The following ODAD2 variants were observed in gnomAD, a reference collection of about 807,000 sequenced individuals.
ODAD2 encodes the protein outer dynein arm-docking complex subunit 2.
A neutral mutation model predicts 106.8 loss-of-function variants in ODAD2; 89 were observed. The ratio of observed to expected loss-of-function variants is 0.83; its 90% confidence interval spans 0.70 to 0.99. The LOEUF is 0.99. Ranked by LOEUF, ODAD2 falls within the 50% of genes least tolerant of loss-of-function variation. ODAD2 has a pLI of 0.00. For synonymous variants in ODAD2, 404 were observed against 436.2 expected, an observed-to-expected ratio of 0.93 and a Z score of 0.92; for missense variants, 1,168 against 1,238.5, an observed-to-expected ratio of 0.94 and a Z score of 0.85.
chr10:27,897,193 T>C (rs575871306), intron 17 of ODAD2, among the ~76,000 whole-genome samples: 1 of 152,238 alleles, frequency 6.6e-6, no homozygotes, highest in South Asian at 2.1e-4. Flanking sequence ...TACTTCACTC[T>C]GTCATTGGTG....
At chr10:27,874,677 T>C (rs879669842) in intron 17 of ODAD2, among the ~76,000 whole-genome samples, 42 of 152,224 alleles carry the variant, frequency 2.8e-4, no homozygotes, top group Non-Finnish European at 4.7e-4. Context: ...ATGTTGAATA[T>C]TGGCCTCCAC....
At chr10:27,947,671 G>T (rs894293145) in intron 10 of ODAD2, among the ~76,000 whole-genome samples, 1 of 151,974 alleles carries the variant, frequency 6.6e-6, no homozygotes, top group Non-Finnish European at 1.5e-5. Context: ...CTATATTAAG[G>T]GTTTGGAAAT....
chr10:27,870,480 A>C (rs1231211237), intron 17 of ODAD2, among the ~76,000 whole-genome samples: 1 of 151,838 alleles, frequency 6.6e-6, no homozygotes, highest in Non-Finnish European at 1.5e-5. Context: ...CATTAGGTAT[A>C]TCTCCTAATG....
At chr10:27,854,113 C>G (rs1839486260) in intron 19 of ODAD2, among the ~76,000 whole-genome samples, 1 of 152,100 alleles carries the variant, frequency 6.6e-6, no homozygotes, top group Non-Finnish European at 1.5e-5. Flanking sequence ...AGCTGATATA[C>G]AAGCACATAG....
At chr10:27,883,270 C>T (rs879437910) in intron 17 of ODAD2, among the ~76,000 whole-genome samples, 5 of 152,046 alleles carry the variant, frequency 3.3e-5, no homozygotes, top group African/African-American at 4.8e-5. Flanking sequence ...TATCTGTCAA[C>T]TCATTTGTTG....
intron 11 of ODAD2, 78 bp from the exon 12 acceptor site, chr10:27,944,509 T>A: frequency 7.7e-7 from 1 of 1,301,694 alleles, no homozygotes; most frequent in East Asian, 2.4e-5. Context: ...ATACCTAAAA[T>A]CCTTCCCCAG....
In ODAD2 at chr10:27,944,511, C is replaced by A. The variant is rs192613379; in HGVS notation, c.1534-80G>T. On this transcript the variant is annotated intron_variant, in intron 11 of 19. Coordinates refer to ENST00000305242, the MANE Select transcript of ODAD2 (RefSeq NM_018076.5). ...AAAAATTCCGAGTATACCTAAAATCCTTCCCCAGTTAAGTTTTTTAAGAAA... is the reference window on the plus strand; with the variant it reads ...AAAAATTCCGAGTATACCTAAAATCATTCCCCAGTTAAGTTTTTTAAGAAA... The A allele has an allele frequency of 3.1e-6, 4 of 1,283,746 alleles. No homozygotes were observed. The East Asian group carries it at 9.6e-5, about 31-fold the overall frequency. The allele number at this position is 1,283,746 out of a possible 1,614,324, so 79.5% of individuals were successfully genotyped here.
chr10:27,944,262 G>T lies in ODAD2; in HGVS notation c.1703C>A (p.Ala568Glu), dbSNP rs1476904862. ...TIANVAKFKR[A>E]RRVVRQHGGI... The stretch of plus-strand genomic sequence containing the variant: ...CCCGTGCTGCCTCACCACCCGCCGT[G>T]CTCTTTTAAACTTGGCAACATTCGC... The change falls in exon 12 of 20, where the codon GCA becomes GAA. Residue 568 changes from alanine to glutamate, a missense_variant. Physicochemically the swap from Ala to Glu is moderately radical, Grantham distance 107. Around this residue, in one of 3 missense-constraint regions of ODAD2, gnomAD observed 701 missense variants for 712.3 expected, o/e 0.98. Coordinates refer to ENST00000305242, the MANE Select transcript of ODAD2 (RefSeq NM_018076.5). The T allele has an allele frequency of 1.2e-6, 2 of 1,613,586 alleles. No homozygotes were observed. The highest frequency in any genetic ancestry group is 3.3e-5 in the Admixed American group (2 of 59,974).
At chr10:27,883,024 T>C (rs1841852965) in intron 17 of ODAD2, among the ~76,000 whole-genome samples, 1 of 151,924 alleles carries the variant, frequency 6.6e-6, no homozygotes, top group South Asian at 2.1e-4. Flanking sequence ...GAGAAGTGTG[T>C]ACAGAGATTT....
At position 27,981,540 on chromosome 10, in the gene ODAD2, CT is replaced by C; in HGVS notation, c.861del (p.Gly288ValfsTer11). 3 of 1,538,104 alleles carry C rather than the reference CT, an allele frequency of 2.0e-6. No individual in the cohort carries two copies. Among genetic ancestry groups the C allele is most frequent in the Non-Finnish European group, 2.6e-6 (3 of 1,155,866 alleles). On this transcript the variant is annotated frameshift_variant, in exon 7 of 20. Coordinates refer to ENST00000305242, the MANE Select transcript of ODAD2 (RefSeq NM_018076.5). LOFTEE classifies it high-confidence loss of function. ...GTGACAAGGTTTTTATAAATTGAAC[CT>C]TTTCTCTCATAATTAACGTCCCCTT... is the stretch of plus-strand genomic sequence containing the variant. ...DDEGDVNYERKGSIYKNLVTF... is the reference protein window; with the variant it reads ...DDEGDVNYERXGSIYKNLVTF...
At position 27,944,969 on chromosome 10, in the gene ODAD2, A is replaced by C; in HGVS notation, c.1387-7T>G. 1.2e-6 allele frequency: 2 copies of C among 1,613,874 alleles called. No individual in the cohort carries two copies. Among genetic ancestry groups the C allele is most frequent in the Non-Finnish European group, 1.7e-6 (2 of 1,179,810 alleles). ...TAGCTGTTTGATTTCCTCCCTACAA[A>C]GATGCAATGCCAGAGAAAGGTTAAG... On this transcript the variant is annotated splice_region_variant and splice_polypyrimidine_tract_variant and intron_variant, in intron 10 of 19. Transcript: ENST00000305242.
intron 6 of ODAD2, 85 bp from the exon 7 acceptor site, chr10:27,981,667 G>T: frequency 1.0e-6 from 1 of 977,910 alleles, no homozygotes; most frequent in Non-Finnish European, 1.5e-6. Context: ...CTAGCCACAC[G>T]TATTATTTTC....
At chr10:27,909,351 C>G (rs2133871198) in intron 16 of ODAD2, among the ~76,000 whole-genome samples, 1 of 152,268 alleles carries the variant, frequency 6.6e-6, no homozygotes, top group East Asian at 1.9e-4. Flanking sequence ...GACAAAATTT[C>G]ACAATTAACT....
intron 2 of ODAD2, among the ~76,000 whole-genome samples, chr10:27,990,683 G>A (rs1013448822): frequency 6.6e-6 from 1 of 152,160 alleles, no homozygotes; most frequent in Non-Finnish European, 1.5e-5. Context: ...TTTATAGGTT[G>A]AGTGTAACCT....
chr10:27,940,540 G>A (rs1846332487), intron 13 of ODAD2, 23 bp downstream of exon 13: 1 of 1,608,698 alleles, frequency 6.2e-7, no homozygotes, highest in Non-Finnish European at 8.5e-7. Context: ...AGAAGGCAAG[G>A]GAAGCAGAAC....
chr10:27,934,608 T>C lies in ODAD2; in HGVS notation c.2495+402A>G, dbSNP rs572231699. Among the ~76,000 whole-genome samples, 12 of 152,178 alleles carry C rather than the reference T, an allele frequency of 7.9e-5. No homozygotes were observed. The East Asian group carries it at 2.1e-3, about 27-fold the overall frequency. On this transcript the variant is annotated intron_variant, in intron 16 of 19. Transcript: ENST00000305242. ...TCTCTTCCCCTCATCAGTTCACAGT[T>C]CTTGCCAGGTGCTCAAAATACATTT...
intron 19 of ODAD2, among the ~76,000 whole-genome samples, chr10:27,838,209 G>A (rs1327501768): frequency 2.0e-5 from 3 of 152,172 alleles, no homozygotes; most frequent in South Asian, 4.1e-4. Flanking sequence ...GATATTTTCT[G>A]AGTGCCAAAA....
At chr10:27,998,764 C>T (rs1469671776) in intron 1 of ODAD2, among the ~76,000 whole-genome samples, 1 of 152,106 alleles carries the variant, frequency 6.6e-6, no homozygotes, top group Non-Finnish European at 1.5e-5. Flanking sequence ...CTGCAGAACC[C>T]CTGCGGGGGT....
rs754071683 is a variant in ODAD2, at chr10:27,985,029, G to A, written c.565C>T (p.His189Tyr). 1 of 1,607,088 alleles carries A rather than the reference G, an allele frequency of 6.2e-7. No homozygotes were observed. The highest frequency in any genetic ancestry group is 1.3e-5 in the African/African-American group (1 of 74,832). ...DLHLLNHSLKHISLEISLSPM... is the reference protein window; with the variant it reads ...DLHLLNHSLKYISLEISLSPM... ...TTGAAAAAGACTCACAATGAAATATGTTTTAGAGAATGATTGAGGAGGTGC... is the reference window on the plus strand; with the variant it reads ...TTGAAAAAGACTCACAATGAAATATATTTTAGAGAATGATTGAGGAGGTGC... Residue 189 changes from histidine (H) to tyrosine (Y), a missense_variant, in exon 4 of 20, where the codon CAT (histidine) becomes TAT (tyrosine). Coordinates refer to ENST00000305242, the MANE Select transcript of ODAD2 (RefSeq NM_018076.5).
Sources: gnomAD v4.1 joint callset for allele counts (sites outside exome capture counted in the v4.1 genomes callset) on GRCh38, gnomAD v4.1.1 for gene constraint, gnomAD v4.1.1 regional missense constraint, MANE v1.5 for transcripts, NCBI Gene and HGNC (gene_info 2026-07-23, HGNC 2026-07-21) for gene names.